The following IRF3 variants were observed in gnomAD, a reference collection of about 807,000 sequenced individuals.
The protein encoded by IRF3 is interferon regulatory factor 3.
Under a neutral mutation model 43.2 loss-of-function variants are expected in IRF3, and 29 were observed. The observed-to-expected ratio is 0.67, with a 90% CI of 0.50 to 0.91. The LOEUF is 0.91. Ranked by LOEUF, IRF3 falls within the 40% of genes least tolerant of loss-of-function variation. The pLI is 0.00. For missense variants in IRF3, 505 were observed against 559.1 expected (o/e 0.90, Z 0.98); for synonymous variants, 228 against 233.9 (o/e 0.97, Z 0.23).
Position 49,664,710 on chromosome 19 carries a change from C to A in IRF3, c.129G>T (p.Arg43=). The A allele has an allele frequency of 6.2e-7, 1 of 1,614,068 alleles. No individual in the cohort carries two copies. ...CGAAATCCTCCTGCTGTGCATCCTG[C>A]CGTAGGCCGTGCTTCCAAGGGATGC... ...RFRIPWKHGL[R]QDAQQEDFGI... The change falls in exon 2 of 8, where the codon CGG becomes CGT. Residue 43 remains arginine (R), a synonymous_variant. Coordinates refer to ENST00000377139, the MANE Select transcript of IRF3 (RefSeq NM_001571.6).
At chr19:49,664,330 A>C in intron 2 of IRF3, 1 of 746,366 alleles carries the variant, frequency 1.3e-6, no homozygotes, top group South Asian at 1.4e-5. Context: ...TTGGGGCTCC[A>C]GGCCTCACCT....
At chr19:49,660,370 AC>A (rs1260993523) in intron 7 of IRF3, among the ~76,000 whole-genome samples, 1 of 152,108 alleles carries the variant, frequency 6.6e-6, no homozygotes, top group Non-Finnish European at 1.5e-5. Flanking sequence ...CGAACTGCGC[AC>A]GTGAGGGATC....
Position 49,665,764 on chromosome 19 carries a change from G to T in IRF3, c.-142C>A. On this transcript the variant is annotated 5_prime_UTR_variant, in exon 1 of 8. Transcript: ENST00000377139. Reference sequence around the variant, plus strand: ...TCTAGAGCGCTGGGGCTTTCTTTTTGATCGACTTCTTGAAATAAAACCAAC... The same window carrying T: ...TCTAGAGCGCTGGGGCTTTCTTTTTTATCGACTTCTTGAAATAAAACCAAC... 1 of 1,541,962 alleles carries T rather than the reference G, an allele frequency of 6.5e-7. No homozygotes were observed.
Position 49,660,762 on chromosome 19 carries a change from T to C in IRF3, c.1049A>G (p.Glu350Gly). 2 of 1,610,760 alleles carry C rather than the reference T, an allele frequency of 1.2e-6. No individual in the cohort carries two copies. Among genetic ancestry groups the C allele is most frequent in the South Asian group, 1.1e-5 (1 of 90,084 alleles). ...CCACGGCTGGTCCTGGGGCCATGAC[T>C]CCCCCACACAGAACCAGAGGGCATA... ...PRYALWFCVG[E>G]SWPQDQPWTK... Residue 350 changes from glutamate to glycine, a missense_variant, in exon 7 of 8, where the codon GAG becomes GGG. Coordinates refer to ENST00000377139, the MANE Select transcript of IRF3 (RefSeq NM_001571.6).
chr19:49,661,822 G>T, intron 6 of IRF3, 126 bp downstream of exon 6: 1 of 1,130,540 alleles, frequency 8.8e-7, no homozygotes, highest in Non-Finnish European at 1.3e-6. Flanking sequence ...CTTGTCATCT[G>T]CCCACCTCAG....
intron 2 of IRF3, chr19:49,664,443 C>G (rs1314073526): frequency 1.8e-5 from 27 of 1,506,992 alleles, no homozygotes; most frequent in Non-Finnish European, 4.4e-6. Context: ...GCGTACTAAC[C>G]GGCTTTCCCG....
rs567282293 is a variant in IRF3 at position 49,661,098 on chromosome 19, C to T, written c.983-270G>A. 18 of 447,084 alleles carry T rather than the reference C, an allele frequency of 4.0e-5. No homozygotes were observed. In the East Asian group the frequency reaches 6.5e-4, roughly 16 times the overall value. The allele number at this position is 447,084 out of a possible 1,614,324, so 27.7% of individuals were successfully genotyped here. ...GGGGGCCCATGCTCCCAAGGATGCT[C>T]AGTGAATCTGGAGAAGCTGGTTGGC... On this transcript the variant is annotated intron_variant, in intron 6 of 7. Transcript: ENST00000377139.
intron 4 of IRF3, 120 bp downstream of exon 4, chr19:49,663,068 C>A (rs745926488): frequency 2.2e-6 from 2 of 902,476 alleles, no homozygotes; most frequent in Non-Finnish European, 3.7e-6. Context: ...AGGGTCAGCA[C>A]TGGCTCAGGT....
intron 1 of IRF3, 78 bp from the exon 2 acceptor site, chr19:49,664,924 T>A (rs2081591818): frequency 3.5e-6 from 5 of 1,438,550 alleles, no homozygotes; most frequent in Admixed American, 2.3e-5. Context: ...CACCCAGACC[T>A]CCTTCTCACG....
In IRF3 at chr19:49,665,821, C is replaced by G. The variant is rs1314191201; in HGVS notation, c.-199G>C. Reference sequence around the variant, plus strand: ...ATTCTTTGGGTAACAGACCCAAAAGCCGATGGGACGGCCCGCTGGGCTGTT... The same window carrying G: ...ATTCTTTGGGTAACAGACCCAAAAGGCGATGGGACGGCCCGCTGGGCTGTT... On this transcript the variant is annotated 5_prime_UTR_variant, in exon 1 of 8. Transcript: ENST00000377139. 2 of 1,587,306 alleles carry G rather than the reference C, an allele frequency of 1.3e-6. No individual in the cohort carries two copies. Among genetic ancestry groups the G allele is most frequent in the African/African-American group, 1.3e-5 (1 of 74,260 alleles).
intron 7 of IRF3, 111 bp downstream of exon 7, chr19:49,660,602 T>G: frequency 3.5e-6 from 4 of 1,132,878 alleles, no homozygotes; most frequent in Non-Finnish European, 4.9e-6. Context: ...GCAGAGATCT[T>G]GGAAGTTGCA....
Position 49,661,932 on chromosome 19 carries a change from C to G in IRF3, c.982+16G>C. Reference sequence around the variant, plus strand: ...CTGCTTTGTACTGGCCAGGTCGAAGCCCCTGTCTCACTCACCTACAATGAA... The same window carrying G: ...CTGCTTTGTACTGGCCAGGTCGAAGGCCCTGTCTCACTCACCTACAATGAA... On this transcript the variant is annotated intron_variant, in intron 6 of 7. Coordinates refer to ENST00000377139, the MANE Select transcript of IRF3 (RefSeq NM_001571.6). 1 of 1,594,430 alleles carries G rather than the reference C, an allele frequency of 6.3e-7. No individual in the cohort carries two copies. Among genetic ancestry groups the G allele is most frequent in the Non-Finnish European group, 8.6e-7 (1 of 1,168,080 alleles).
At chr19:49,663,887 G>C in intron 2 of IRF3, 1 of 254,438 alleles carries the variant, frequency 3.9e-6, no homozygotes, top group Non-Finnish European at 7.8e-6. Context: ...GTAGAGATGG[G>C]GTTTCACCAT....
rs555722266 is a variant in IRF3 at position 49,665,662 on chromosome 19, T to G, written c.-40A>C. Reference sequence around the variant, plus strand: ...TGGAAGGTCGGGGCGTGCGGGCAGCTGGAACCCACCCCTGTCTTGGAGCTC... The same window carrying G: ...TGGAAGGTCGGGGCGTGCGGGCAGCGGGAACCCACCCCTGTCTTGGAGCTC... On this transcript the variant is annotated 5_prime_UTR_variant, in exon 1 of 8. Coordinates refer to ENST00000377139, the MANE Select transcript of IRF3 (RefSeq NM_001571.6). 4.6e-5 allele frequency: 44 copies of G among 959,760 alleles called. No individual in the cohort carries two copies. In the Middle Eastern group the frequency reaches 1.0e-3, roughly 23 times the overall value. The allele number at this position is 959,760 out of a possible 1,614,324, so 59.5% of individuals were successfully genotyped here.
rs776267698 is a variant in IRF3 at position 49,663,491 on chromosome 19, T to A, written c.189A>T (p.Ala63=). The A allele has an allele frequency of 1.2e-6, 2 of 1,614,140 alleles. No individual in the cohort carries two copies. The highest frequency in any genetic ancestry group is 2.7e-5 in the African/African-American group (2 of 75,054). ...IFQAWAEATG[A]YVPGRDKPDL... Reference sequence around the variant, plus strand: ...CTGGCTTATCCCTCCCGGGAACATATGCACCAGTGGCCTCGGCCCAGGCCT... The same window carrying A: ...CTGGCTTATCCCTCCCGGGAACATAAGCACCAGTGGCCTCGGCCCAGGCCT... Residue 63 remains alanine (A), a synonymous_variant, in exon 3 of 8, where the codon GCA becomes GCT. Coordinates refer to ENST00000377139, the MANE Select transcript of IRF3 (RefSeq NM_001571.6).
chr19:49,664,605 G>T (rs1436722758), intron 2 of IRF3, 69 bp downstream of exon 2: 4 of 1,611,504 alleles, frequency 2.5e-6, no homozygotes, highest in South Asian at 1.1e-5. Flanking sequence ...TCTCAGCCGG[G>T]CCCACTAGGA....
At chr19:49,664,508 A>C (rs2081547298) in intron 2 of IRF3, 166 bp downstream of exon 2, 3 of 1,571,878 alleles carry the variant, frequency 1.9e-6, no homozygotes, top group Non-Finnish European at 2.6e-6. Context: ...ACCATCAGTC[A>C]GCGGATCCGG....
In IRF3 at chr19:49,663,329, C is replaced by G; in HGVS notation, c.337+14G>C. The G allele has an allele frequency of 4.3e-6, 7 of 1,614,174 alleles. No homozygotes were observed. The highest frequency in any genetic ancestry group is 5.9e-6 in the Non-Finnish European group (7 of 1,180,000). On this transcript the variant is annotated intron_variant, in intron 3 of 7. Coordinates refer to ENST00000377139, the MANE Select transcript of IRF3 (RefSeq NM_001571.6). ...GGGGCCCCAGCCTCCCACACGAACC[C>G]CAAGCTGGCAGACCTGAGTTCACAA...
intron 6 of IRF3, chr19:49,661,684 A>G (rs1235682929): frequency 1.3e-5 from 5 of 374,524 alleles, no homozygotes; most frequent in Non-Finnish European, 2.4e-5. Context: ...GGTTCAAGCA[A>G]TTCTCCTGCC....
Sources: gnomAD v4.1 joint callset for allele counts (sites outside exome capture counted in the v4.1 genomes callset) on GRCh38, gnomAD v4.1.1 for gene constraint, MANE v1.5 for transcripts, NCBI Gene and HGNC (gene_info 2026-07-23, HGNC 2026-07-21) for gene names.